UNC13C: variants seen among roughly 807,000 people sequenced by gnomAD.
The protein encoded by UNC13C is protein unc-13 homolog C.
UNC13C carries 174 observed loss-of-function variants against 245.4 expected under a neutral mutation model. The observed-to-expected ratio is 0.71, with a 90% CI of 0.63 to 0.80. The LOEUF (loss-of-function observed/expected upper bound fraction) is 0.80, where lower values mean the gene tolerates loss of function less well. Among genes scored for constraint, UNC13C ranks in the 30% least tolerant of loss-of-function variants. The pLI is 0.00. For synonymous variants in UNC13C, 992 were observed against 895.1 expected, an observed-to-expected ratio of 1.11 and a Z score of -1.93; for missense variants, 2,829 against 2,602.9, an observed-to-expected ratio of 1.09 and a Z score of -1.89.
intron 4 of UNC13C, among the ~76,000 whole-genome samples, chr15:54,177,690 G>T (rs28755986): frequency 0.11 from 16,169 of 152,016 alleles, 1,451 homozygotes; most frequent in African/African-American, 0.24. Context: ...TTCAGGTATT[G>T]TGAATTGTTA....
chr15:54,260,773 A>G (rs1198684464), intron 8 of UNC13C, among the ~76,000 whole-genome samples: 1 of 149,880 alleles, frequency 6.7e-6, no homozygotes, highest in Non-Finnish European at 1.5e-5. Flanking sequence ...AACAACTTCA[A>G]TATTCTTCCT....
chr15:54,170,472 A>G (rs774779644), intron 4 of UNC13C, among the ~76,000 whole-genome samples: 7 of 152,218 alleles, frequency 4.6e-5, no homozygotes, highest in Non-Finnish European at 7.3e-5. Flanking sequence ...GGGGAATTTC[A>G]AACAACGTCA....
chr15:54,607,871 C>T (rs553807127), intron 30 of UNC13C, among the ~76,000 whole-genome samples: 1 of 152,152 alleles, frequency 6.6e-6, no homozygotes, highest in Non-Finnish European at 1.5e-5. Flanking sequence ...GTTCCCTCCC[C>T]CAACACTGGG....
chr15:54,157,488 T>C (rs1436172769), intron 4 of UNC13C, among the ~76,000 whole-genome samples: 1 of 152,168 alleles, frequency 6.6e-6, no homozygotes, highest in Non-Finnish European at 1.5e-5. Flanking sequence ...AAATCCTTGC[T>C]CATGGTGATC....
intron 10 of UNC13C, among the ~76,000 whole-genome samples, chr15:54,288,716 C>T (rs2037214430): frequency 6.6e-6 from 1 of 152,108 alleles, no homozygotes; most frequent in South Asian, 2.1e-4. Flanking sequence ...TCTTTAGCTT[C>T]TCAGCATGTA....
chr15:54,216,215 C>T (rs371212270), intron 4 of UNC13C, among the ~76,000 whole-genome samples: 1 of 151,900 alleles, frequency 6.6e-6, no homozygotes, highest in Non-Finnish European at 1.5e-5. Flanking sequence ...AGCTTGCTGC[C>T]AATAATCTGG....
chr15:54,390,526 A>G (rs2039932530), intron 17 of UNC13C, among the ~76,000 whole-genome samples: 1 of 152,078 alleles, frequency 6.6e-6, no homozygotes, highest in South Asian at 2.1e-4. Flanking sequence ...CACTATTATA[A>G]TAATTACTAT....
At chr15:54,537,721 C>T (rs1209685383) in intron 26 of UNC13C, among the ~76,000 whole-genome samples, 1 of 151,780 alleles carries the variant, frequency 6.6e-6, no homozygotes, top group Non-Finnish European at 1.5e-5. Context: ...TCAACAAAAA[C>T]AAGCAGGAAG....
chr15:54,167,665 C>T (rs888131007), intron 4 of UNC13C, among the ~76,000 whole-genome samples: 2 of 122,416 alleles, frequency 1.6e-5, no homozygotes, highest in Non-Finnish European at 3.5e-5. Flanking sequence ...CATCCACATA[C>T]AAAAAAATTC....
chr15:54,176,517 T>C (rs1414748611), intron 4 of UNC13C, among the ~76,000 whole-genome samples: 1 of 152,096 alleles, frequency 6.6e-6, no homozygotes, highest in Non-Finnish European at 1.5e-5. Flanking sequence ...TATTTCTACA[T>C]ATATTACACA....
chr15:54,444,197 C>G (rs1890679570), intron 19 of UNC13C, among the ~76,000 whole-genome samples: 1 of 151,444 alleles, frequency 6.6e-6, no homozygotes, highest in South Asian at 2.1e-4. Flanking sequence ...TATGTTTTAT[C>G]TTGTGTAAAT....
intron 1 of UNC13C, among the ~76,000 whole-genome samples, chr15:53,982,988 A>G (rs1472909708): frequency 6.6e-6 from 1 of 152,150 alleles, no homozygotes; most frequent in East Asian, 1.9e-4. Context: ...AACAGTGTTC[A>G]TGGTTTTAGA....
chr15:54,327,857 A>C (rs780397562), intron 14 of UNC13C, among the ~76,000 whole-genome samples: 9 of 152,074 alleles, frequency 5.9e-5, no homozygotes, highest in Non-Finnish European at 8.8e-5. Flanking sequence ...TGATGATTAC[A>C]TTTCAAAGGG....
At chr15:54,429,428 T>C (rs2040823824) in intron 19 of UNC13C, among the ~76,000 whole-genome samples, 1 of 151,758 alleles carries the variant, frequency 6.6e-6, no homozygotes, top group African/African-American at 2.4e-5. Context: ...ACATTATCCA[T>C]AATTTTCTCA....
chr15:53,869,105 A>T, the UNC13C span, among the ~76,000 whole-genome samples: 1 of 152,036 alleles, frequency 6.6e-6, no homozygotes, highest in Admixed American at 6.6e-5. Context: ...ACCCTGTCTT[A>T]AAAAAAAGTC....
chr15:54,115,538 T>C (rs1224036321), intron 2 of UNC13C, among the ~76,000 whole-genome samples: 4 of 152,064 alleles, frequency 2.6e-5, no homozygotes, highest in African/African-American at 7.2e-5. Flanking sequence ...ATTTTGGGGG[T>C]ACATGTAATA....
chr15:53,924,591 C>T, the UNC13C span, among the ~76,000 whole-genome samples: 1 of 152,116 alleles, frequency 6.6e-6, no homozygotes, highest in Non-Finnish European at 1.5e-5. Context: ...GTAATAACAA[C>T]AATGCTGATT....
At chr15:54,270,028 C>CT (rs1040682479) in intron 10 of UNC13C, among the ~76,000 whole-genome samples, 1 of 152,078 alleles carries the variant, frequency 6.6e-6, no homozygotes, top group Non-Finnish European at 1.5e-5. Context: ...TAAATGCCAA[C>CT]TTTTTTAACA....
At chr15:54,445,282 G>T (rs1409173927) in intron 19 of UNC13C, among the ~76,000 whole-genome samples, 3 of 152,106 alleles carry the variant, frequency 2.0e-5, no homozygotes, top group Non-Finnish European at 4.4e-5. Context: ...ACATACATGT[G>T]CATGTGTCTC....
Sources: gnomAD v4.1 joint callset for allele counts (sites outside exome capture counted in the v4.1 genomes callset) on GRCh38, gnomAD v4.1.1 for gene constraint, MANE v1.5 for transcripts, NCBI Gene and HGNC (gene_info 2026-07-23, HGNC 2026-07-21) for gene names.